Variants in SHC2 observed in about 807,000 individuals in gnomAD.
SHC2 encodes the protein SHC-transforming protein 2.
Under a neutral mutation model 60.6 loss-of-function variants are expected in SHC2, and 62 were observed. The ratio of observed to expected loss-of-function variants is 1.02; its 90% CI spans 0.83 to 1.26. The LOEUF is 1.26. Among genes scored for constraint, SHC2 ranks in the 50% most tolerant of loss-of-function variants. The probability of loss-of-function intolerance (pLI) is 0.00; values close to 1 mark genes in which losing one functional copy is unlikely to be tolerated. For synonymous variants in SHC2, 375 were observed against 372.4 expected (o/e 1.01, Z -0.08); for missense variants, 873 against 822.2 (o/e 1.06, Z -0.76).
intron 1 of SHC2, among the ~76,000 whole-genome samples, chr19:458,963 C>A (rs1555710711): frequency 6.6e-6 from 1 of 152,040 alleles, no homozygotes; most frequent in Non-Finnish European, 1.5e-5. Context: ...CTCCCACAGG[C>A]TTTGGTGGGC....
At chr19:430,021 C>G (rs937797041) in intron 9 of SHC2, among the ~76,000 whole-genome samples, 4 of 140,410 alleles carry the variant, frequency 2.8e-5, no homozygotes, top group Non-Finnish European at 4.6e-5. Flanking sequence ...GTGTGGATGA[C>G]GCAGTACCTA....
chr19:459,763 C>T (rs1975493545), intron 1 of SHC2, among the ~76,000 whole-genome samples: 1 of 152,212 alleles, frequency 6.6e-6, no homozygotes, highest in African/African-American at 2.4e-5. Context: ...GAGCACCCAC[C>T]GGTAGTGGCG....
At chr19:451,833 G>A (rs1308665635) in intron 1 of SHC2, among the ~76,000 whole-genome samples, 3 of 152,184 alleles carry the variant, frequency 2.0e-5, no homozygotes. Flanking sequence ...CTGACCTCAG[G>A]TGATCAGCCC....
chr19:419,442 G>A (rs1276007739), intron 11 of SHC2: 2 of 168,772 alleles, frequency 1.2e-5, no homozygotes, highest in African/African-American at 4.7e-5. Flanking sequence ...AAGTCCACTA[G>A]CTGCTTTCCT....
At chr19:427,372 C>G (rs1323645592) in intron 9 of SHC2, among the ~76,000 whole-genome samples, 4 of 152,122 alleles carry the variant, frequency 2.6e-5, no homozygotes, top group African/African-American at 9.7e-5. Flanking sequence ...GAGAAGGGCT[C>G]GTGGGAACGA....
chr19:430,588 C>A (rs146590514), intron 9 of SHC2, 96 bp downstream of exon 9: 3 of 899,256 alleles, frequency 3.3e-6, no homozygotes, highest in South Asian at 1.6e-5. Flanking sequence ...GTGAAATAAG[C>A]AGAGAGGAGA....
chr19:448,600 C>A (rs1465755415), intron 1 of SHC2, among the ~76,000 whole-genome samples: 1 of 152,116 alleles, frequency 6.6e-6, no homozygotes, highest in Non-Finnish European at 1.5e-5. Context: ...ACACCGTTCG[C>A]CCCAGGACAC....
chr19:456,328 C>G (rs896549141), intron 1 of SHC2, among the ~76,000 whole-genome samples: 1 of 62,416 alleles, frequency 1.6e-5, no homozygotes. Context: ...GGGCTGAGGC[C>G]GGTCAGGCTC....
At chr19:444,213 C>T (rs1024237070) in intron 1 of SHC2, among the ~76,000 whole-genome samples, 1 of 152,046 alleles carries the variant, frequency 6.6e-6, no homozygotes, top group Non-Finnish European at 1.5e-5. Context: ...GATGAATGGA[C>T]TCTAGGCATG....
At chr19:430,547 T>C (rs1974556296) in intron 9 of SHC2, 137 bp downstream of exon 9, 6 of 661,686 alleles carry the variant, frequency 9.1e-6, no homozygotes, top group Non-Finnish European at 1.6e-5. Flanking sequence ...CTCAGCAGAG[T>C]GTTAGGAGCA....
chr19:444,741 G>A (rs1975010054), intron 1 of SHC2, among the ~76,000 whole-genome samples: 1 of 152,206 alleles, frequency 6.6e-6, no homozygotes, highest in Non-Finnish European at 1.5e-5. Flanking sequence ...CGGACACGCT[G>A]TGCACAGCAT....
In SHC2 at chr19:440,920, T is replaced by A. The variant is rs759265974; in HGVS notation, c.481A>T (p.Ile161Phe). The change falls in exon 2 of 13, where the codon ATC (isoleucine) becomes TTC (phenylalanine). Residue 161 changes from isoleucine to phenylalanine, a missense_variant. Physicochemically the swap from Ile to Phe is conservative, Grantham distance 21. Coordinates refer to ENST00000264554, the MANE Select transcript of SHC2 (RefSeq NM_012435.3). This position sits in a 1 kb window ranked among gnomAD's most constrained non-coding sequence, Gnocchi z 7.0. ...VSYVVRYMGC[I>F]EVLRSMRSLD... Reference sequence around the variant, plus strand: ...GAGCGCATAGAGCGGAGAACCTCGATGCAGCCCATGTACTGAGGGGAGAGA... The same window carrying A: ...GAGCGCATAGAGCGGAGAACCTCGAAGCAGCCCATGTACTGAGGGGAGAGA... The A allele has an allele frequency of 1.2e-6, 2 of 1,612,792 alleles. No individual in the cohort carries two copies. Among genetic ancestry groups the A allele is most frequent in the Non-Finnish European group, 1.7e-6 (2 of 1,179,730 alleles).
chr19:439,363 T>C (rs745354088), intron 2 of SHC2: 46 of 385,938 alleles, frequency 1.2e-4, no homozygotes, highest in Admixed American at 2.1e-4. Flanking sequence ...GGGACCAGTG[T>C]GTCCCTGGCC....
chr19:433,573 C>T (rs1485731693), intron 8 of SHC2, among the ~76,000 whole-genome samples: 33 of 47,178 alleles, frequency 7.0e-4, no homozygotes, highest in Non-Finnish European at 1.0e-3. Context: ...GGCGCTTCAT[C>T]GTGAGTGAGA....
rs1398378892 is a variant in SHC2, at chr19:422,368, G to A, written c.1398C>T (p.Pro466=). ...AAPLPLEDQW[P]SPPTRRAPVA... Reference sequence around the variant, plus strand: ...CAGGGGCCCGGCGGGTAGGGGGGCTGGGCCACTGGTCCTCCAAGGGAAGAG... The same window carrying A: ...CAGGGGCCCGGCGGGTAGGGGGGCTAGGCCACTGGTCCTCCAAGGGAAGAG... Residue 466 remains proline, a synonymous_variant, in exon 11 of 13, where the codon CCC becomes CCT. Coordinates refer to ENST00000264554, the MANE Select transcript of SHC2 (RefSeq NM_012435.3). The surrounding 1 kb of genome is among the most constrained non-coding windows in gnomAD (Gnocchi z 5.0). The A allele has an allele frequency of 1.9e-6, 3 of 1,604,022 alleles. No individual in the cohort carries two copies. The highest frequency in any genetic ancestry group is 8.5e-7 in the Non-Finnish European group (1 of 1,176,092).
chr19:460,776 G>A lies in SHC2; in HGVS notation c.221C>T (p.Ala74Val), dbSNP rs1975531592. 6 of 979,248 alleles carry A rather than the reference G, an allele frequency of 6.1e-6. No individual in the cohort carries two copies. Among genetic ancestry groups the A allele is most frequent in the Non-Finnish European group, 7.3e-6 (6 of 827,336 alleles). 60.7% of individuals were successfully genotyped at this position (979,248 alleles called of 1,614,324 possible). The change falls in exon 1 of 13, where the codon GCG becomes GTG. Residue 74 changes from alanine to valine, a missense_variant. Transcript: ENST00000264554. ...GGCGCCCAGGACGGCGGCCGCCAGC[G>A]CCGGGACGCCCCCCGGGCCCGCCGG... Reference protein sequence around the residue: ...PEPAGPGGVPALAAAVLGACE... With the variant: ...PEPAGPGGVPVLAAAVLGACE...
At chr19:423,191 C>A (rs112220601) in intron 10 of SHC2, among the ~76,000 whole-genome samples, 1,678 of 60,556 alleles carry the variant, frequency 0.028, 38 homozygotes, top group Non-Finnish European at 0.034. Context: ...GGGGTCCTCC[C>A]GCCCTGACCC....
Position 425,289 on chromosome 19 carries a change from G to T in SHC2, c.1175-58C>A. On this transcript the variant is annotated intron_variant, in intron 9 of 12. Coordinates refer to ENST00000264554, the MANE Select transcript of SHC2 (RefSeq NM_012435.3). The surrounding 1 kb of genome is among the most constrained non-coding windows in gnomAD (Gnocchi z 4.1). The stretch of plus-strand genomic sequence containing the variant: ...TGGGAGCCAGGCGAGGGGCTCGCAG[G>T]GAGCAAGGCGGGGTCCCACGAGGAG... The T allele has an allele frequency of 7.8e-7, 1 of 1,277,772 alleles. No homozygotes were observed. 79.2% of individuals were successfully genotyped at this position (1,277,772 alleles called of 1,614,324 possible).
chr19:417,993 C>T (rs1974192059), intron 12 of SHC2, among the ~76,000 whole-genome samples: 1 of 152,094 alleles, frequency 6.6e-6, no homozygotes, highest in South Asian at 2.1e-4. Flanking sequence ...TCCCCGGCTG[C>T]TCTCTCAGCC....
Sources: allele counts gnomAD v4.1 joint callset (sites outside exome capture counted in the v4.1 genomes callset), GRCh38; gene constraint gnomAD v4.1.1; non-coding constraint Gnocchi (gnomAD v3.1); transcripts MANE v1.5; gene names NCBI Gene and HGNC (gene_info 2026-07-23, HGNC 2026-07-21).